TMC3: variants seen among roughly 807,000 people sequenced by gnomAD.
TMC3 encodes transmembrane channel like 3.
TMC3 carries 98 observed loss-of-function variants against 110.6 expected under a neutral mutation model. That is an observed-to-expected ratio of 0.89 (90% CI 0.75 to 1.05). The LOEUF (loss-of-function observed/expected upper bound fraction) is 1.05. Among genes scored for constraint, TMC3 ranks in the 50% least tolerant of loss-of-function variants. TMC3 has a pLI of 0.00. For synonymous variants in TMC3, 489 were observed against 513.1 expected, an observed-to-expected ratio of 0.95 and a Z score of 0.63; for missense variants, 1,319 against 1,373.2, an observed-to-expected ratio of 0.96 and a Z score of 0.62.
rs984230064 is a variant in TMC3, at chr15:81,372,499, A to T, written c.236+92T>A. 3.0e-5 allele frequency: 46 copies of T among 1,512,832 alleles called. 2 individuals are homozygous for T. The East Asian group carries it at 1.0e-3, about 34-fold the overall frequency. 93.7% of individuals were successfully genotyped at this position (1,512,832 alleles called of 1,614,324 possible). On this transcript the variant is annotated intron_variant, in intron 2 of 21. Coordinates refer to ENST00000359440, the MANE Select transcript of TMC3 (RefSeq NM_001080532.3). ...AGAGTGACTGAGCCATCTCTCTCAC[A>T]TGAGTCTTTATCCTCGTTCCCATGG...
chr15:81,357,784 C>T (rs1197227926), intron 7 of TMC3, among the ~76,000 whole-genome samples: 1 of 152,172 alleles, frequency 6.6e-6, no homozygotes, highest in Non-Finnish European at 1.5e-5. Context: ...TGCTTATGTC[C>T]CTATTAGTGC....
Position 81,349,563 on chromosome 15 carries a change from C to A in TMC3, c.1088G>T (p.Ser363Ile). Residue 363 changes from serine (S) to isoleucine (I), a missense_variant, in exon 11 of 22, where the codon AGT becomes ATT. By Grantham distance (142) the Ser-to-Ile change is moderately radical. Coordinates refer to ENST00000359440, the MANE Select transcript of TMC3 (RefSeq NM_001080532.3). ...CATGGTGACGAGGGAGACCACCACA[C>A]TGACCTGCTGAGAGAGCACATGCCA... ...ELTLWEKNEV[S>I]VVVSLVTMIA... 1.3e-6 allele frequency: 2 copies of A among 1,497,520 alleles called. No homozygotes were observed. Among genetic ancestry groups the A allele is most frequent in the Non-Finnish European group, 1.8e-6 (2 of 1,121,488 alleles). The allele number at this position is 1,497,520 out of a possible 1,614,324, so 92.8% of individuals were successfully genotyped here.
At chr15:81,361,416 C>T (rs1241285129) in intron 4 of TMC3, among the ~76,000 whole-genome samples, 1 of 152,142 alleles carries the variant, frequency 6.6e-6, no homozygotes, top group African/African-American at 2.4e-5. Context: ...TTTTTGCTTA[C>T]TCCTTTGATT....
chr15:81,333,046 T>C lies in TMC3; in HGVS notation c.2676A>G (p.Glu892=). The C allele has an allele frequency of 6.2e-7, 1 of 1,614,022 alleles. No individual in the cohort carries two copies. Among genetic ancestry groups the C allele is most frequent in the Non-Finnish European group, 8.5e-7 (1 of 1,179,880 alleles). The change falls in exon 22 of 22, where the codon GAA becomes GAG. Residue 892 remains glutamate (E), a synonymous_variant. Coordinates refer to ENST00000359440, the MANE Select transcript of TMC3 (RefSeq NM_001080532.3). ...GATGTTTTTTCTTGTAAGAGTCACA[T>C]TCATTAATGACATAGTATCTGGGGG... ...PHAPRYYVIN[E]CDSYKKKHLN...
intron 1 of TMC3, 130 bp downstream of exon 1, chr15:81,373,859 G>T (rs1894491157): frequency 1.2e-6 from 1 of 811,544 alleles, no homozygotes; most frequent in Non-Finnish European, 2.0e-6. Flanking sequence ...ACCTGGAGAA[G>T]TGAGTTTCTG....
In TMC3 at chr15:81,341,425, G is replaced by A. The variant is rs765421704; in HGVS notation, c.1809C>T (p.Cys603=). Residue 603 remains cysteine, a synonymous_variant, in exon 16 of 22, where the codon TGC becomes TGT. Transcript: ENST00000359440. The part of the protein sequence containing the change: ...MYLRSWAVLT[C]NVPHQQVFRA... ...GAAATACTTGCTGGTGGGGCACATT[G>A]CAGGTCAGCACAGCCCAGCTTCTCA... 1 of 1,611,794 alleles carries A rather than the reference G, an allele frequency of 6.2e-7. No homozygotes were observed. Among genetic ancestry groups the A allele is most frequent in the Non-Finnish European group, 8.5e-7 (1 of 1,178,910 alleles).
chr15:81,364,689 A>AAAAAC (rs147191865), intron 3 of TMC3, among the ~76,000 whole-genome samples: 13 of 141,374 alleles, frequency 9.2e-5, no homozygotes, highest in African/African-American at 2.9e-4. Flanking sequence ...TAATAAAAAA[A>AAAAAC]AACATTATTC....
intron 11 of TMC3, among the ~76,000 whole-genome samples, chr15:81,348,058 A>T (rs911590335): frequency 6.6e-6 from 1 of 152,206 alleles, no homozygotes; most frequent in African/African-American, 2.4e-5. Context: ...TTGTCAGTAA[A>T]GTTGTATTGG....
intron 12 of TMC3, among the ~76,000 whole-genome samples, chr15:81,345,518 C>A (rs1464013766): frequency 6.6e-6 from 1 of 152,132 alleles, no homozygotes; most frequent in African/African-American, 2.4e-5. Context: ...AAGAGCACCC[C>A]CTGTCTTACT....
In TMC3 at chr15:81,349,341, T is replaced by G. The variant is rs140630426; in HGVS notation, c.1193+117A>C. 298 of 530,440 alleles carry G rather than the reference T, an allele frequency of 5.6e-4. 1 individual carries two copies. Among genetic ancestry groups the G allele is most frequent in the Middle Eastern group, 4.6e-3 (15 of 3,246 alleles). 32.9% of individuals were successfully genotyped at this position (530,440 alleles called of 1,614,324 possible). On this transcript the variant is annotated intron_variant, in intron 11 of 21. Transcript: ENST00000359440. ...TGAGTTGCATCCATAGGTAAAGTTCTGTGCTGATTGTCTGAGAGAAAAGAA... is the reference window on the plus strand; with the variant it reads ...TGAGTTGCATCCATAGGTAAAGTTCGGTGCTGATTGTCTGAGAGAAAAGAA...
rs924107165 is a variant in TMC3, at chr15:81,332,984, G to T, written c.2738C>A (p.Ala913Asp). 2 of 1,613,298 alleles carry T rather than the reference G, an allele frequency of 1.2e-6. No homozygotes were observed. Among genetic ancestry groups the T allele is most frequent in the Admixed American group, 3.3e-5 (2 of 59,974 alleles). Residue 913 changes from alanine (A) to aspartate (D), a missense_variant, in exon 22 of 22, where the codon GCT becomes GAT. By Grantham distance (126) the Ala-to-Asp change is moderately radical. Coordinates refer to ENST00000359440, the MANE Select transcript of TMC3 (RefSeq NM_001080532.3). ...VWPERHFKID[A>D]SGDIVELYPR... is the part of the protein sequence containing the mutation. ...GTACAGCTCCACAATGTCACCTGAA[G>T]CATCTATCTTGAAATGTCTTTCTGG...
At chr15:81,362,403 G>A in intron 3 of TMC3, 102 bp from the exon 4 acceptor site, 1 of 837,992 alleles carries the variant, frequency 1.2e-6, no homozygotes, top group Non-Finnish European at 1.9e-6. Context: ...ACTCCCTCTG[G>A]TACCTTTAAT....
chr15:81,356,187 A>G (rs1197966158), intron 8 of TMC3, among the ~76,000 whole-genome samples: 2 of 152,254 alleles, frequency 1.3e-5, no homozygotes, highest in African/African-American at 4.8e-5. Context: ...TATGTAAATT[A>G]TCTAAAATAT....
At position 81,344,006 on chromosome 15, in the gene TMC3, C is replaced by T. The variant is rs758681614; in HGVS notation, c.1558G>A (p.Val520Met). 29 of 1,612,594 alleles carry T rather than the reference C, an allele frequency of 1.8e-5. No individual in the cohort carries two copies. In the South Asian group the frequency reaches 2.4e-4, roughly 13 times the overall value. ...KLSIIDMLFT[V>M]ASILLIDFFR... ...AAGTCTATGAGCAGAATGCTCGCCA[C>T]GGTGAAGAGCATGTCAATGATGGAG... is the stretch of plus-strand genomic sequence containing the variant. Residue 520 changes from valine (V) to methionine (M), a missense_variant, in exon 14 of 22, where the codon GTG becomes ATG. Coordinates refer to ENST00000359440, the MANE Select transcript of TMC3 (RefSeq NM_001080532.3).
intron 12 of TMC3, 90 bp downstream of exon 12, chr15:81,346,275 G>A (rs2141702201): frequency 8.6e-7 from 1 of 1,159,096 alleles, no homozygotes; most frequent in African/African-American, 1.5e-5. Flanking sequence ...TATAAGCAGT[G>A]ATCCTGTCCA....
chr15:81,336,360 G>A (rs887755107), intron 20 of TMC3, among the ~76,000 whole-genome samples: 1 of 152,148 alleles, frequency 6.6e-6, no homozygotes, highest in Non-Finnish European at 1.5e-5. Flanking sequence ...GCCAAGGTGG[G>A]TGGATCATGA....
In TMC3 at chr15:81,332,548, G is replaced by A; in HGVS notation, c.3174C>T (p.Asp1058=). ...GGCTGTGGGTGACCTGCAGGTACTG[G>A]TCAGCGCTGCTGTTCTGCTGGTCAC... ...SSSDQQNSSA[D]QYLQVTHSQG... Residue 1058 remains aspartate (D), a synonymous_variant, in exon 22 of 22, where the codon GAC becomes GAT. Transcript: ENST00000359440. 1 of 1,613,976 alleles carries A rather than the reference G, an allele frequency of 6.2e-7. No homozygotes were observed. The highest frequency in any genetic ancestry group is 1.1e-5 in the South Asian group (1 of 91,072).
At chr15:81,373,355 TTTCCAACA>T (rs947304249) in intron 1 of TMC3, among the ~76,000 whole-genome samples, 1 of 152,218 alleles carries the variant, frequency 6.6e-6, no homozygotes, top group African/African-American at 2.4e-5. Context: ...GAGGAACAAT[TTTCCAACA>T]TGTAGCAACA....
chr15:81,363,546 G>C (rs1380067612), intron 3 of TMC3, among the ~76,000 whole-genome samples: 3 of 152,198 alleles, frequency 2.0e-5, no homozygotes, highest in Non-Finnish European at 4.4e-5. Flanking sequence ...GCTGAGGCCA[G>C]AATGGCTGCT....
Sources: allele counts gnomAD v4.1 joint callset (sites outside exome capture counted in the v4.1 genomes callset), GRCh38; gene constraint gnomAD v4.1.1; transcripts MANE v1.5; gene names NCBI Gene and HGNC (gene_info 2026-07-23, HGNC 2026-07-21).